The following PRKD1 variants were observed in gnomAD, a reference collection of about 807,000 sequenced individuals.
The protein encoded by PRKD1 is protein kinase D1.
PRKD1 carries 63 observed loss-of-function variants against 95.9 expected under a neutral mutation model. That is an observed-to-expected ratio of 0.66 (90% CI 0.54 to 0.81). The LOEUF (loss-of-function observed/expected upper bound fraction) is 0.81, where lower values mean the gene tolerates loss of function less well. PRKD1 is among the 30% of genes least tolerant of loss of function. The pLI is 0.00. For synonymous variants in PRKD1, 425 were observed against 423.1 expected (o/e 1.00, Z -0.05); for missense variants, 1,048 against 1,165.3 (o/e 0.90, Z 1.47).
intron 1 of PRKD1, among the ~76,000 whole-genome samples, chr14:29,783,578 A>G (rs11628069): frequency 0.02 from 3,024 of 152,250 alleles, 103 homozygotes; most frequent in Admixed American, 0.086. Flanking sequence ...GCCTCCATAC[A>G]TTTACCAAAA....
rs536126378 is a variant in PRKD1 at position 29,846,839 on chromosome 14, T to C, written c.264+80410A>G. Among the ~76,000 whole-genome samples, 35 of 152,254 alleles carry C rather than the reference T, an allele frequency of 2.3e-4. No individual in the cohort carries two copies. In the South Asian group the frequency reaches 4.8e-3, roughly 21 times the overall value. ...TTGGGATACATTGTAAAGATACAGC[T>C]GAAAGCACTTGCTGATGAACTGGAT... On this transcript the variant is annotated intron_variant, in intron 1 of 17. Coordinates refer to ENST00000331968, the MANE Select transcript of PRKD1 (RefSeq NM_002742.3).
At chr14:29,861,271 T>C (rs577396444) in intron 1 of PRKD1, among the ~76,000 whole-genome samples, 118 of 152,242 alleles carry the variant, frequency 7.8e-4, no homozygotes, top group African/African-American at 2.6e-3. Context: ...ACTGAGATGG[T>C]TTTAGCTTGG....
intron 2 of PRKD1, among the ~76,000 whole-genome samples, chr14:29,710,888 A>G (rs1002955647): frequency 1.4e-4 from 21 of 152,174 alleles, no homozygotes; most frequent in African/African-American, 5.1e-4. Context: ...TTTATCATCT[A>G]TGAAAGACAA....
At chr14:29,775,384 T>A (rs1039264995) in intron 1 of PRKD1, among the ~76,000 whole-genome samples, 3 of 152,156 alleles carry the variant, frequency 2.0e-5, no homozygotes, top group African/African-American at 7.2e-5. Flanking sequence ...GGTCAGGGAA[T>A]TCCCTTTCCT....
intron 1 of PRKD1, among the ~76,000 whole-genome samples, chr14:29,855,272 G>A (rs972063341): frequency 6.6e-6 from 1 of 152,316 alleles, no homozygotes; most frequent in African/African-American, 2.4e-5. Context: ...ACCCTGCAAA[G>A]CCATAGGGAC....
At chr14:29,826,706 TACAC>T (rs1286976903) in intron 1 of PRKD1, among the ~76,000 whole-genome samples, 2 of 72,040 alleles carry the variant, frequency 2.8e-5, no homozygotes, top group African/African-American at 9.1e-5. Context: ...TATACATATA[TACAC>T]ATATATATAT....
chr14:29,648,844 C>A (rs531283495), intron 4 of PRKD1, among the ~76,000 whole-genome samples: 1 of 151,984 alleles, frequency 6.6e-6, no homozygotes, highest in African/African-American at 2.4e-5. Context: ...TTAGTAGAGA[C>A]GGGGTTTCAC....
At chr14:29,907,041 T>C (rs1167661937) in intron 1 of PRKD1, among the ~76,000 whole-genome samples, 10 of 152,222 alleles carry the variant, frequency 6.6e-5, no homozygotes, top group East Asian at 1.9e-4. Context: ...TTCAACTAGG[T>C]ATCCACTAAC....
chr14:29,782,939 T>C (rs1435819282), intron 1 of PRKD1, among the ~76,000 whole-genome samples: 2 of 152,252 alleles, frequency 1.3e-5, no homozygotes, highest in South Asian at 2.1e-4. Context: ...AGCATGCAAT[T>C]TGTATTGATC....
At chr14:29,875,681 C>T (rs1178322027) in intron 1 of PRKD1, among the ~76,000 whole-genome samples, 1 of 152,152 alleles carries the variant, frequency 6.6e-6, no homozygotes, top group Non-Finnish European at 1.5e-5. Context: ...CTGCTGATGT[C>T]CATTTAAACA....
chr14:29,641,250 A>G (rs541244043), intron 4 of PRKD1, among the ~76,000 whole-genome samples: 1 of 152,324 alleles, frequency 6.6e-6, no homozygotes, highest in East Asian at 1.9e-4. Context: ...GTCAGAAATT[A>G]AGATTTTAAT....
At chr14:29,690,915 TG>T (rs1884194777) in intron 2 of PRKD1, among the ~76,000 whole-genome samples, 1 of 152,152 alleles carries the variant, frequency 6.6e-6, no homozygotes, top group Non-Finnish European at 1.5e-5. Flanking sequence ...TTCTCTTCCG[TG>T]TAGATAAATA....
At chr14:29,765,890 A>C (rs1382979845) in intron 1 of PRKD1, among the ~76,000 whole-genome samples, 1 of 152,152 alleles carries the variant, frequency 6.6e-6, no homozygotes, top group Non-Finnish European at 1.5e-5. Flanking sequence ...GTTGGGAGAG[A>C]TTATAACTGA....
intron 1 of PRKD1, among the ~76,000 whole-genome samples, chr14:29,843,587 TG>T (rs1566632129): frequency 6.6e-6 from 1 of 152,210 alleles, no homozygotes; most frequent in East Asian, 1.9e-4. Flanking sequence ...AACATTTTTA[TG>T]CATTCAAAAC....
chr14:29,896,796 T>A (rs918168692), intron 1 of PRKD1, among the ~76,000 whole-genome samples: 2 of 150,488 alleles, frequency 1.3e-5, no homozygotes, highest in Admixed American at 1.3e-4. Flanking sequence ...TGCAAATGAA[T>A]CTCGTCAGAG....
At chr14:29,597,388 AT>A in intron 16 of PRKD1, 102 bp downstream of exon 16, 1 of 1,225,118 alleles carries the variant, frequency 8.2e-7, no homozygotes, top group Non-Finnish European at 1.1e-6. Flanking sequence ...GCACTTTACA[AT>A]GAGCATGTAT....
chr14:29,635,332 C>A (rs1353163105), intron 7 of PRKD1, among the ~76,000 whole-genome samples: 2 of 152,034 alleles, frequency 1.3e-5, no homozygotes, highest in African/African-American at 4.8e-5. Context: ...TCCTTGTCCC[C>A]CTTCCCACAA....
At chr14:29,860,257 T>G (rs1892659764) in intron 1 of PRKD1, among the ~76,000 whole-genome samples, 1 of 152,238 alleles carries the variant, frequency 6.6e-6, no homozygotes, top group South Asian at 2.1e-4. Context: ...CCCACTGTGT[T>G]GCAGCGAAGG....
At chr14:29,652,841 T>C (rs1022278323) in intron 4 of PRKD1, 1 of 152,218 alleles carries the variant, frequency 6.6e-6, no homozygotes, top group Admixed American at 6.5e-5. Flanking sequence ...TCCTGGCAAA[T>C]GTTCATCTGG....
Sources: allele counts gnomAD v4.1 joint callset (sites outside exome capture counted in the v4.1 genomes callset), GRCh38; gene constraint gnomAD v4.1.1; transcripts MANE v1.5; gene names NCBI Gene and HGNC (gene_info 2026-07-23, HGNC 2026-07-21).